Variants in MYO15B observed in about 807,000 individuals in gnomAD.
The protein encoded by MYO15B is myosin XVB pseudogene.
MYO15B carries 207 observed loss-of-function variants against 119.3 expected under a neutral mutation model. The observed-to-expected ratio is 1.73, with a 90% CI of 1.55 to 1.95. MYO15B has a LOEUF of 1.95. Among genes scored for constraint, MYO15B ranks in the 30% most tolerant of loss-of-function variants. MYO15B has a pLI of 0.00. For missense variants in MYO15B, 2,264 were observed against 1,203.1 expected (o/e 1.88, Z -13.04); for synonymous variants, 966 against 498.9 (o/e 1.94, Z -12.48).
chr17:75,590,250 G>A lies in MYO15B; in HGVS notation c.2186+7G>A, dbSNP rs1046878473. ...AGGACCTGGCGCGGTTGCGGTTAGC[G>A]GGCGCGGTGCCAAAGCTGCCATCCC... On this transcript the variant is annotated splice_region_variant and intron_variant, in intron 1 of 63. Transcript: ENST00000645453. 7 of 398,966 alleles carry A rather than the reference G, an allele frequency of 1.8e-5. No individual in the cohort carries two copies. The highest frequency in any genetic ancestry group is 1.3e-4 in the South Asian group (1 of 7,878). The allele number at this position is 398,966 out of a possible 1,614,324, so 24.7% of individuals were successfully genotyped here.
exon 6 of MYO15B, chr17:75,592,069 C>T (rs736524): frequency 1.4e-6 from 1 of 702,892 alleles, no homozygotes. Flanking sequence ...TCTTCTGCCT[C>T]TACCTACAGC....
exon 1 of MYO15B, chr17:75,588,996 G>T (rs1384961260): frequency 7.5e-6 from 3 of 397,984 alleles, no homozygotes; most frequent in South Asian, 2.5e-4. Flanking sequence ...AGGTGCCAGC[G>T]GCGGCAGGCG....
exon 50 of MYO15B, chr17:75,621,131 C>T: frequency 1.4e-6 from 1 of 702,402 alleles, no homozygotes. Flanking sequence ...CACAGCTACA[C>T]CATGCAGGAA....
exon 31 of MYO15B, chr17:75,614,680 A>G (rs1305760428): frequency 4.3e-6 from 3 of 701,936 alleles, no homozygotes; most frequent in Non-Finnish European, 5.2e-6. Context: ...CAGGGACCAC[A>G]CAGGTAAGGC....
exon 61 of MYO15B, chr17:75,625,559 T>C (rs890401915): frequency 2.8e-6 from 2 of 702,940 alleles, no homozygotes; most frequent in East Asian, 2.7e-5. Flanking sequence ...CCAAAGCAGC[T>C]GCAACGGCAG....
rs767290519 is a variant in MYO15B, at chr17:75,591,974, C to G, written c.2548-3C>G. 1 of 702,382 alleles carries G rather than the reference C, an allele frequency of 1.4e-6. No homozygotes were observed. The highest frequency in any genetic ancestry group is 2.0e-5 in the Admixed American group (1 of 50,000). 43.5% of individuals were successfully genotyped at this position (702,382 alleles called of 1,614,324 possible). A position where few individuals can be genotyped will look rare whatever the true frequency, so the allele number is the denominator to read the frequency against. Reference sequence around the variant, plus strand: ...GGATGCTTGAACACCCCTCCCTGTACAGGTGGAGGATATGCTGCCTATACT... The same window carrying G: ...GGATGCTTGAACACCCCTCCCTGTAGAGGTGGAGGATATGCTGCCTATACT... On this transcript the variant is annotated splice_polypyrimidine_tract_variant and splice_region_variant and intron_variant, in intron 5 of 63. Coordinates refer to ENST00000645453, the Ensembl canonical transcript of MYO15B.
At chr17:75,607,030 G>GT (rs1168471829) in intron 21 of MYO15B, 8 of 398,230 alleles carry the variant, frequency 2.0e-5, no homozygotes, top group African/African-American at 1.6e-4. Flanking sequence ...TGCCAGAGAC[G>GT]GGGCCTCCCA....
chr17:75,589,323 GGGGCGGGGCCGCGGGAAAGCGGATGAA>G lies in MYO15B; in HGVS notation c.1277_1303del (p.Arg426_Gly434del), dbSNP rs1568104564. On this transcript the variant is annotated inframe_deletion, in exon 1 of 64. Coordinates refer to ENST00000645453, the Ensembl canonical transcript of MYO15B. The surrounding 1 kb of genome is among the most constrained non-coding windows in gnomAD (Gnocchi z 4.2). ...GGCGGGGTCATGGGAGAGGAAGCAA[GGGGCGGGGCCGCGGGAAAGCGGATGAA>G]GGGCGGGGCCACGAGCGAGGGGACG... is the stretch of plus-strand genomic sequence containing the variant. The G allele has an allele frequency of 2.7e-5, 9 of 330,400 alleles. No homozygotes were observed. Among genetic ancestry groups the G allele is most frequent in the Non-Finnish European group, 4.2e-5 (8 of 189,758 alleles). The allele number at this position is 330,400 out of a possible 1,614,324, so 20.5% of individuals were successfully genotyped here. A position where few individuals can be genotyped will look rare whatever the true frequency, so the allele number is the denominator to read the frequency against.
At chr17:75,616,997 C>T (rs1366961048) in intron 40 of MYO15B, 36 bp downstream of exon 40, 1 of 702,358 alleles carries the variant, frequency 1.4e-6, no homozygotes, top group Non-Finnish European at 2.6e-6. Flanking sequence ...AGAGTGTGTG[C>T]TGCTGCACTG....
At chr17:75,624,191 C>T in exon 56 of MYO15B, 1 of 702,984 alleles carries the variant, frequency 1.4e-6, no homozygotes, top group Non-Finnish European at 2.6e-6. Context: ...CCCGGAGCAG[C>T]CAGGAGCACC....
chr17:75,619,985 G>A (rs1386576722), exon 47 of MYO15B: 4 of 702,620 alleles, frequency 5.7e-6, no homozygotes, highest in Non-Finnish European at 1.0e-5. Flanking sequence ...GGCCATCGAG[G>A]CGCTGGTTGA....
intron 14 of MYO15B, among the ~76,000 whole-genome samples, chr17:75,600,855 C>T (rs1256207089): frequency 1.3e-5 from 2 of 149,244 alleles, no homozygotes; most frequent in Non-Finnish European, 3.0e-5. Context: ...CAAAGCGCTG[C>T]GGTTACAGGC....
intron 14 of MYO15B, among the ~76,000 whole-genome samples, chr17:75,600,884 C>A (rs1305918115): frequency 6.7e-6 from 1 of 150,130 alleles, no homozygotes; most frequent in African/African-American, 2.4e-5. Context: ...CTGCGCCTAG[C>A]CCCACCCAGC....
chr17:75,592,888 A>G, intron 9 of MYO15B, 48 bp downstream of exon 9: 1 of 684,576 alleles, frequency 1.5e-6, no homozygotes, highest in Non-Finnish European at 2.7e-6. Context: ...GGGTCTGTAG[A>G]ATCAGGGCAG....
rs1263362124 is a variant in MYO15B at position 75,613,229 on chromosome 17, G to A, written c.4967+20G>A. On this transcript the variant is annotated intron_variant, in intron 27 of 63. Transcript: ENST00000645453. ...GCTCAAGTAAGGGGCCTGGGAGGTG[G>A]GGACCTGGCAGGTGGGGTCGCTGGA... 1.5e-6 allele frequency: 1 copy of A among 681,338 alleles called. No homozygotes were observed. The allele number at this position is 681,338 out of a possible 1,614,324, so 42.2% of individuals were successfully genotyped here.
Position 75,623,871 on chromosome 17 carries a change from GGCTT to G in MYO15B, c.8156+18_8156+21del, listed in dbSNP as rs2058849717. 3 of 561,500 alleles carry G rather than the reference GGCTT, an allele frequency of 5.3e-6. No individual in the cohort carries two copies. The highest frequency in any genetic ancestry group is 6.3e-6 in the Non-Finnish European group (2 of 318,578). 34.8% of individuals were successfully genotyped at this position (561,500 alleles called of 1,614,324 possible). The stretch of plus-strand genomic sequence containing the variant: ...CCCCCGGCCGTGAGTGGGGACCGGT[GGCTT>G]CTGGGGGTGGCTTCTGGGGGCAGCT... On this transcript the variant is annotated intron_variant, in intron 54 of 63. Coordinates refer to ENST00000645453, the Ensembl canonical transcript of MYO15B.
chr17:75,613,501 A>G (rs1295066023), intron 28 of MYO15B, 30 bp downstream of exon 28: 1 of 664,880 alleles, frequency 1.5e-6, no homozygotes, highest in Admixed American at 2.6e-5. Context: ...GAGGCCTCCC[A>G]GGCCTGAAGT....
chr17:75,623,577 A>G (rs1258700362), intron 53 of MYO15B, among the ~76,000 whole-genome samples: 1 of 152,240 alleles, frequency 6.6e-6, no homozygotes, highest in African/African-American at 2.4e-5. Context: ...AGCTGAGATC[A>G]TGCCATTGCA....
At position 75,589,381 on chromosome 17, in the gene MYO15B, C is replaced by T. The variant is rs1409214860; in HGVS notation, c.1324C>T (p.Arg442Trp). 4 of 335,616 alleles carry T rather than the reference C, an allele frequency of 1.2e-5. No individual in the cohort carries two copies. Among genetic ancestry groups the T allele is most frequent in the African/African-American group, 4.8e-5 (2 of 41,314 alleles). 20.8% of individuals were successfully genotyped at this position (335,616 alleles called of 1,614,324 possible). A position where few individuals can be genotyped will look rare whatever the true frequency, so the allele number is the denominator to read the frequency against. ...GGGCCACGAGCGAGGGGACGAGGGT[C>T]GGGGCCGCGGGAAAGCGGACGAAGG... Residue 442 changes from arginine to tryptophan, a missense_variant, in exon 1 of 64, where the codon CGG (arginine) becomes TGG (tryptophan). Physicochemically the swap from Arg to Trp is moderately radical, Grantham distance 101. Coordinates refer to ENST00000645453, the Ensembl canonical transcript of MYO15B. This position sits in a 1 kb window ranked among gnomAD's most constrained non-coding sequence, Gnocchi z 4.2.
Sources: gnomAD v4.1 joint callset for allele counts (sites outside exome capture counted in the v4.1 genomes callset) on GRCh38, gnomAD v4.1.1 for gene constraint, Gnocchi (gnomAD v3.1) non-coding constraint, MANE v1.5 for transcripts, NCBI Gene and HGNC (gene_info 2026-07-23, HGNC 2026-07-21) for gene names.